SNX4: variants seen among roughly 807,000 people sequenced by gnomAD.
SNX4 encodes the protein sorting nexin 4, also known as sorting nexin-4.
In SNX4, 49 loss-of-function variants were observed where a neutral mutation model predicts 70.8. The ratio of observed to expected loss-of-function variants is 0.69; its 90% CI spans 0.55 to 0.88. The LOEUF (loss-of-function observed/expected upper bound fraction) is 0.88. SNX4 is among the 40% of genes least tolerant of loss of function. The pLI, the probability that SNX4 is intolerant of heterozygous loss-of-function variation, is 0.00. For missense variants in SNX4, 528 were observed against 544.8 expected, an observed-to-expected ratio of 0.97 and a Z score of 0.31; for synonymous variants, 206 against 183.8, an observed-to-expected ratio of 1.12 and a Z score of -0.98.
At chr3:125,510,320 C>G (rs138823813) in intron 1 of SNX4, among the ~76,000 whole-genome samples, 1 of 151,906 alleles carries the variant, frequency 6.6e-6, no homozygotes, top group South Asian at 2.1e-4. Context: ...CTCCGCCTTC[C>G]GGGTTCACGC....
intron 6 of SNX4, among the ~76,000 whole-genome samples, chr3:125,485,901 C>A (rs561321846): frequency 6.6e-6 from 1 of 152,072 alleles, no homozygotes; most frequent in Admixed American, 6.5e-5. Context: ...AGTGCAATGG[C>A]GCGATCTTGG....
intron 9 of SNX4, among the ~76,000 whole-genome samples, chr3:125,463,002 G>T (rs1202775071): frequency 6.6e-6 from 1 of 152,154 alleles, no homozygotes; most frequent in Non-Finnish European, 1.5e-5. Flanking sequence ...TAAGGACAGG[G>T]GCTATGTGTA....
chr3:125,519,184 G>A (rs1437389314), intron 1 of SNX4, among the ~76,000 whole-genome samples: 1 of 152,146 alleles, frequency 6.6e-6, no homozygotes, highest in Non-Finnish European at 1.5e-5. Context: ...AGGGTGGTCT[G>A]ATGTGGAGCA....
At chr3:125,455,857 C>CA (rs369250817) in intron 11 of SNX4, among the ~76,000 whole-genome samples, 25 of 148,614 alleles carry the variant, frequency 1.7e-4, no homozygotes, top group Middle Eastern at 3.5e-3. Context: ...ACTAAAAGTG[C>CA]AAAAAAAAAA....
chr3:125,485,376 C>A (rs1934499449), intron 6 of SNX4, among the ~76,000 whole-genome samples: 1 of 152,148 alleles, frequency 6.6e-6, no homozygotes, highest in Non-Finnish European at 1.5e-5. Flanking sequence ...CGACTCACTG[C>A]AGCCTCCACC....
At chr3:125,455,231 G>A (rs568114163) in intron 11 of SNX4, among the ~76,000 whole-genome samples, 71 of 152,168 alleles carry the variant, frequency 4.7e-4, no homozygotes, top group Non-Finnish European at 9.6e-4. Context: ...TACCATACCC[G>A]GCTTGAATTT....
At chr3:125,488,172 T>TATA in intron 6 of SNX4, among the ~76,000 whole-genome samples, 1 of 93,526 alleles carries the variant, frequency 1.1e-5, no homozygotes, top group African/African-American at 3.8e-5. Flanking sequence ...AATAGTCTAT[T>TATA]AAAAAAAAAA....
At chr3:125,486,191 T>C (rs1452236386) in intron 6 of SNX4, among the ~76,000 whole-genome samples, 1 of 152,166 alleles carries the variant, frequency 6.6e-6, no homozygotes, top group African/African-American at 2.4e-5. Flanking sequence ...GAAAACTCAC[T>C]ATATAGATTT....
intron 6 of SNX4, among the ~76,000 whole-genome samples, chr3:125,481,149 T>A (rs1559816842): frequency 6.6e-6 from 1 of 152,212 alleles, no homozygotes; most frequent in Non-Finnish European, 1.5e-5. Context: ...GCACAGCCTA[T>A]GAGAATCTAG....
chr3:125,489,114 T>A (rs142809339), intron 6 of SNX4, among the ~76,000 whole-genome samples: 374 of 152,306 alleles, frequency 2.5e-3, no homozygotes, highest in African/African-American at 8.5e-3. Flanking sequence ...CAAAATCATA[T>A]AAGGAAAACT....
chr3:125,473,731 A>G (rs1934229451), intron 8 of SNX4, among the ~76,000 whole-genome samples: 1 of 152,084 alleles, frequency 6.6e-6, no homozygotes, highest in African/African-American at 2.4e-5. Flanking sequence ...CAATTTCTCT[A>G]CAGTATAACT....
At chr3:125,512,871 T>C (rs1935197946) in intron 1 of SNX4, among the ~76,000 whole-genome samples, 1 of 151,962 alleles carries the variant, frequency 6.6e-6, no homozygotes, top group East Asian at 1.9e-4. Context: ...CAAGTGATTC[T>C]CATGTTTCAG....
At chr3:125,488,579 G>T (rs1250551401) in intron 6 of SNX4, among the ~76,000 whole-genome samples, 1 of 152,146 alleles carries the variant, frequency 6.6e-6, no homozygotes, top group Non-Finnish European at 1.5e-5. Context: ...AAATTTATAT[G>T]AAAAATCAGG....
chr3:125,458,814 CAAAAAAAAAAAAAAAAAAA>C (rs71148180), intron 10 of SNX4, among the ~76,000 whole-genome samples: 6 of 64,496 alleles, frequency 9.3e-5, no homozygotes, highest in Admixed American at 7.6e-4. Context: ...GACTCCGTCT[CAAAAAAAAAAAAAAAAAAA>C]AAAAAAAAAA....
chr3:125,477,671 C>A (rs1934316644), intron 7 of SNX4, among the ~76,000 whole-genome samples: 1 of 152,142 alleles, frequency 6.6e-6, no homozygotes. Flanking sequence ...CTTACAGTGA[C>A]AGAACCGCCA....
intron 6 of SNX4, among the ~76,000 whole-genome samples, chr3:125,483,235 G>A (rs915350402): frequency 4.0e-5 from 6 of 151,700 alleles, no homozygotes; most frequent in Admixed American, 6.6e-5. Context: ...TTACAACTGA[G>A]CTGGTACAAT....
chr3:125,453,011 G>A (rs1559807983), intron 12 of SNX4, among the ~76,000 whole-genome samples: 1 of 152,114 alleles, frequency 6.6e-6, no homozygotes, highest in Non-Finnish European at 1.5e-5. Context: ...TACACTCTTG[G>A]TCTGCCTTGG....
chr3:125,466,718 G>T (rs1228528748), intron 9 of SNX4, among the ~76,000 whole-genome samples: 1 of 152,136 alleles, frequency 6.6e-6, no homozygotes, highest in Non-Finnish European at 1.5e-5. Flanking sequence ...CTTGAACTGG[G>T]GAGGAGGAGG....
rs574105511 is a variant in SNX4, at chr3:125,451,416, T to C, written c.1194A>G (p.Glu398=). ...QLKSKNLEGR[E]FVKNAWADIE... Reference sequence around the variant, plus strand: ...TATCAGCCCATGCGTTTTTCACAAATTCTCTGAAATAAAAGGTATAGCCAT... The same window carrying C: ...TATCAGCCCATGCGTTTTTCACAAACTCTCTGAAATAAAAGGTATAGCCAT... Residue 398 remains glutamate, a synonymous_variant, in exon 13 of 14, where the codon GAA becomes GAG. Coordinates refer to ENST00000251775, the MANE Select transcript of SNX4 (RefSeq NM_003794.4). The C allele has an allele frequency of 6.2e-7, 1 of 1,604,970 alleles. No individual in the cohort carries two copies. The highest frequency in any genetic ancestry group is 2.2e-5 in the East Asian group (1 of 44,818).
Sources: allele counts gnomAD v4.1 joint callset (sites outside exome capture counted in the v4.1 genomes callset), GRCh38; gene constraint gnomAD v4.1.1; transcripts MANE v1.5; gene names NCBI Gene and HGNC (gene_info 2026-07-23, HGNC 2026-07-21).